CDH13: variants seen among roughly 807,000 people sequenced by gnomAD.
CDH13 encodes cadherin 13, also known as cadherin-13.
Under a neutral mutation model 63.8 loss-of-function variants are expected in CDH13, and 24 were observed. The ratio of observed to expected loss-of-function variants is 0.38; its 90% confidence interval spans 0.27 to 0.53. The LOEUF (loss-of-function observed/expected upper bound fraction) is 0.53, where lower values mean the gene tolerates loss of function less well. CDH13 is among the 20% of genes least tolerant of loss of function. The probability of loss-of-function intolerance (pLI) is 0.85; values close to 1 mark genes in which losing one functional copy is unlikely to be tolerated. For synonymous variants in CDH13, 503 were observed against 355.3 expected (o/e 1.42, Z -4.67); for missense variants, 1,049 against 903.1 (o/e 1.16, Z -2.07).
intron 2 of CDH13, chr16:82,925,934 A>G (rs1342998203): frequency 1.3e-5 from 2 of 152,150 alleles, no homozygotes; most frequent in Admixed American, 6.5e-5. Context: ...GAGTTTTCCC[A>G]TTTTAAAAAA....
chr16:83,111,455 G>T (rs1364592678), intron 3 of CDH13, among the ~76,000 whole-genome samples: 1 of 152,172 alleles, frequency 6.6e-6, no homozygotes, highest in Non-Finnish European at 1.5e-5. Context: ...AGCAAAGAAG[G>T]ATCCTGAGTG....
intron 1 of CDH13, among the ~76,000 whole-genome samples, chr16:82,677,721 G>C (rs1914093461): frequency 6.6e-6 from 1 of 152,098 alleles, no homozygotes; most frequent in South Asian, 2.1e-4. Flanking sequence ...ATTTTTTAAA[G>C]GTTCCTCTCA....
intron 10 of CDH13, among the ~76,000 whole-genome samples, chr16:83,747,244 T>C (rs911584477): frequency 2.0e-5 from 3 of 152,218 alleles, no homozygotes; most frequent in African/African-American, 7.2e-5. Context: ...AAGTCTCATC[T>C]TGAATTCCCA....
chr16:83,315,654 C>T (rs79423581), intron 5 of CDH13, among the ~76,000 whole-genome samples: 1 of 145,564 alleles, frequency 6.9e-6, no homozygotes, highest in Non-Finnish European at 1.5e-5. Context: ...AAAAAAAAAA[C>T]AGCTCTAAGA....
intron 10 of CDH13, among the ~76,000 whole-genome samples, chr16:83,698,304 A>G (rs973520326): frequency 2.6e-5 from 4 of 152,240 alleles, no homozygotes; most frequent in Admixed American, 2.6e-4. Flanking sequence ...CTAATTAAAT[A>G]TCTTCACTTA....
chr16:83,337,762 C>T (rs1057146121), intron 5 of CDH13, among the ~76,000 whole-genome samples: 1 of 150,464 alleles, frequency 6.6e-6, no homozygotes, highest in African/African-American at 2.4e-5. Flanking sequence ...TATACAGACG[C>T]TCATTGTGTG....
chr16:83,377,428 G>T (rs924083316), intron 6 of CDH13, among the ~76,000 whole-genome samples: 1 of 152,104 alleles, frequency 6.6e-6, no homozygotes, highest in Non-Finnish European at 1.5e-5. Context: ...TATAGATTTA[G>T]GTTATAGTTT....
chr16:83,631,824 TG>T (rs960418036), intron 8 of CDH13, among the ~76,000 whole-genome samples: 3 of 152,202 alleles, frequency 2.0e-5, no homozygotes, highest in African/African-American at 7.2e-5. Context: ...TAGGTTGTTG[TG>T]GGATAAGGGG....
At chr16:83,099,397 C>T (rs539032993) in intron 3 of CDH13, among the ~76,000 whole-genome samples, 23 of 152,040 alleles carry the variant, frequency 1.5e-4, no homozygotes, top group African/African-American at 5.5e-4. Flanking sequence ...AATCTCAGCT[C>T]ATTGCAGCCT....
intron 10 of CDH13, chr16:83,710,049 A>G (rs556763613): frequency 6.6e-6 from 1 of 152,380 alleles, no homozygotes; most frequent in South Asian, 2.1e-4. Flanking sequence ...GACATTTGTC[A>G]GTGTCTAGAA....
chr16:83,335,317 TCTTAA>T (rs999501558), intron 5 of CDH13, among the ~76,000 whole-genome samples: 1 of 152,164 alleles, frequency 6.6e-6, no homozygotes, highest in African/African-American at 2.4e-5. Flanking sequence ...AATTACCGGC[TCTTAA>T]CTTTTCTTTA....
At chr16:83,053,855 C>T (rs1042458629) in intron 3 of CDH13, among the ~76,000 whole-genome samples, 4 of 152,126 alleles carry the variant, frequency 2.6e-5, no homozygotes, top group Admixed American at 6.5e-5. Context: ...AGACCCCGAC[C>T]GGGTACCTGA....
rs1906042067 is a variant in CDH13 at position 83,254,952 on chromosome 16, TTTCTTTCTTTCTTTCTTTCTTTCTTTC to T, written c.636+37458_636+37484del. 9.8e-3 allele frequency among the ~76,000 whole-genome samples: 1,429 copies of T among 145,604 alleles called. 49 individuals are homozygous for T. Among genetic ancestry groups the T allele is most frequent in the African/African-American group, 0.033 (1,298 of 39,254 alleles). On this transcript the variant is annotated intron_variant, in intron 5 of 13. Coordinates refer to ENST00000567109, the MANE Select transcript of CDH13 (RefSeq NM_001257.5). ...CTTTCTTGGATTTTTTCTTTTTCTC[TTTCTTTCTTTCTTTCTTTCTTTCTTTC>T]TTTCTTTCTTTCTTTCTTTCTTTCT... is the stretch of plus-strand genomic sequence containing the variant.
At chr16:83,381,379 A>G (rs1299122388) in intron 6 of CDH13, among the ~76,000 whole-genome samples, 3 of 151,934 alleles carry the variant, frequency 2.0e-5, no homozygotes, top group East Asian at 3.9e-4. Context: ...GTGCATTAAG[A>G]GTTCCAAACC....
At chr16:83,136,806 A>G in intron 4 of CDH13, among the ~76,000 whole-genome samples, 1 of 152,266 alleles carries the variant, frequency 6.6e-6, no homozygotes, top group East Asian at 1.9e-4. Context: ...CCAGATTCGT[A>G]GGAGTGGTCT....
At chr16:83,214,182 C>G (rs187637055) in intron 4 of CDH13, among the ~76,000 whole-genome samples, 1 of 152,108 alleles carries the variant, frequency 6.6e-6, no homozygotes, top group East Asian at 1.9e-4. Context: ...CAATAATGAC[C>G]ACAGTGACAG....
At chr16:83,624,069 T>G (rs8052936) in intron 8 of CDH13, among the ~76,000 whole-genome samples, 20,734 of 152,150 alleles carry the variant, frequency 0.14, 1,628 homozygotes, top group African/African-American at 0.2. Context: ...GTCTAAGCCC[T>G]CAGACAATGT....
intron 5 of CDH13, among the ~76,000 whole-genome samples, chr16:83,258,201 C>T (rs1906522025): frequency 6.6e-6 from 1 of 152,188 alleles, no homozygotes; most frequent in African/African-American, 2.4e-5. Context: ...AGCTGGAAAG[C>T]ATAGCTCTAC....
At chr16:83,103,688 T>G (rs73600129) in intron 3 of CDH13, among the ~76,000 whole-genome samples, 5,965 of 152,152 alleles carry the variant, frequency 0.039, 395 homozygotes, top group African/African-American at 0.14. Flanking sequence ...TTGAGCAGAG[T>G]GTTTAACCTT....
Sources: allele counts gnomAD v4.1 joint callset (sites outside exome capture counted in the v4.1 genomes callset), GRCh38; gene constraint gnomAD v4.1.1; transcripts MANE v1.5; gene names NCBI Gene and HGNC (gene_info 2026-07-23, HGNC 2026-07-21).